The following PHACTR2 variants were observed in gnomAD, a reference collection of about 807,000 sequenced individuals.
PHACTR2 encodes the protein phosphatase and actin regulator 2, also known as chromosome 6 open reading frame 56.
A neutral mutation model predicts 76.0 loss-of-function variants in PHACTR2; 30 were observed. That is an observed-to-expected ratio of 0.39 (90% CI 0.30 to 0.54). The LOEUF is 0.54. Among genes scored for constraint, PHACTR2 ranks in the 20% least tolerant of loss-of-function variants. The probability of loss-of-function intolerance (pLI) is 0.61; values close to 1 mark genes in which losing one functional copy is unlikely to be tolerated. For synonymous variants in PHACTR2, 292 were observed against 292.5 expected (o/e 1.00, Z 0.02); for missense variants, 696 against 781.1 (o/e 0.89, Z 1.30).
intron 12 of PHACTR2, chr6:143,810,430 C>T (rs532144284): frequency 8.4e-6 from 2 of 238,736 alleles, no homozygotes; most frequent in African/African-American, 4.6e-5. Context: ...AGTTTAAGAG[C>T]ATGCCTAGTC....
At position 143,652,335 on chromosome 6, in the gene PHACTR2, C is replaced by T. The variant is rs1776776803; in HGVS notation, c.13+44013C>T. 2.0e-5 allele frequency among the ~76,000 whole-genome samples: 3 copies of T among 152,046 alleles called. No individual in the cohort carries two copies. The highest frequency in any genetic ancestry group is 2.0e-4 in the Admixed American group (3 of 15,260). ...CCCAATAAAATATTTTGAAGTTTTT[C>T]CAAAGAAAAGAAACTCTGCCTGGCT... On this transcript the variant is annotated intron_variant, in intron 1 of 11. Transcript: ENST00000305766. This position sits in a 1 kb window ranked among gnomAD's most constrained non-coding sequence, Gnocchi z 4.5.
At position 143,712,125 on chromosome 6, in the gene PHACTR2, T is replaced by G. The variant is rs1778191336; in HGVS notation, c.156T>G (p.Phe52Leu). 6.3e-7 allele frequency: 1 copy of G among 1,585,034 alleles called. No homozygotes were observed. The highest frequency in any genetic ancestry group is 1.2e-5 in the South Asian group (1 of 85,146). Reference sequence around the variant, plus strand: ...AACTATCCACCATTGGTAAAATCTTTAAGCCTTGGAAATGGAGGAAAAAGA... The same window carrying G: ...AACTATCCACCATTGGTAAAATCTTGAAGCCTTGGAAATGGAGGAAAAAGA... ...KGKLSTIGKI[F>L]KPWKWRKKKT... Residue 52 changes from phenylalanine (F) to leucine (L), a missense_variant, in exon 2 of 13, where the codon TTT becomes TTG. Phe to Leu is a conservative substitution (Grantham distance 22). Transcript: ENST00000440869.
At chr6:143,796,138 T>G (rs902703686) in intron 11 of PHACTR2, among the ~76,000 whole-genome samples, 1 of 152,212 alleles carries the variant, frequency 6.6e-6, no homozygotes, top group Non-Finnish European at 1.5e-5. Flanking sequence ...TAAGAAAGCC[T>G]GAGATTTTTG....
In PHACTR2 at chr6:143,806,143, C is replaced by T. The variant is rs897292244; in HGVS notation, c.1846-914C>T. ...AAAAATAAGCAAAAATTTGAAACCACGAACCATCTGTAATCCTGCCACTAT... is the reference window on the plus strand; with the variant it reads ...AAAAATAAGCAAAAATTTGAAACCATGAACCATCTGTAATCCTGCCACTAT... On this transcript the variant is annotated intron_variant, in intron 11 of 12. Coordinates refer to ENST00000440869, the MANE Select transcript of PHACTR2 (RefSeq NM_001100164.2). This position sits in a 1 kb window ranked among gnomAD's most constrained non-coding sequence, Gnocchi z 5.8. Among the ~76,000 whole-genome samples, 6 of 152,154 alleles carry T rather than the reference C, an allele frequency of 3.9e-5. No individual in the cohort carries two copies. Among genetic ancestry groups the T allele is most frequent in the Non-Finnish European group, 7.4e-5 (5 of 68,014 alleles).
In PHACTR2 at chr6:143,752,270, TA is replaced by T. The variant is rs374354412; in HGVS notation, c.296-1479del. Among the ~76,000 whole-genome samples, 75 of 152,216 alleles carry T rather than the reference TA, an allele frequency of 4.9e-4. 1 individual carries two copies. The South Asian group carries it at 0.015, about 31-fold the overall frequency. ...AAGATAAATTTATATTTGAGTTACCTAAAAACTGAAGATTTTTATACATAAG... is the reference window on the plus strand; with the variant it reads ...AAGATAAATTTATATTTGAGTTACCTAAAACTGAAGATTTTTATACATAAG... On this transcript the variant is annotated intron_variant, in intron 3 of 12. Transcript: ENST00000440869.
At chr6:143,748,278 G>A (rs1779111470) in intron 2 of PHACTR2, among the ~76,000 whole-genome samples, 1 of 152,126 alleles carries the variant, frequency 6.6e-6, no homozygotes, top group African/African-American at 2.4e-5. Flanking sequence ...TGGCCAGGCT[G>A]GTCTCAAACT....
At chr6:143,790,894 G>C (rs2128480207) in intron 11 of PHACTR2, among the ~76,000 whole-genome samples, 2 of 152,220 alleles carry the variant, frequency 1.3e-5, no homozygotes, top group East Asian at 3.9e-4. Context: ...AGCCAGGATG[G>C]TCTCCATCTC....
At chr6:143,779,044 G>A (rs932482522) in intron 9 of PHACTR2, among the ~76,000 whole-genome samples, 3 of 152,052 alleles carry the variant, frequency 2.0e-5, no homozygotes, top group African/African-American at 7.2e-5. Context: ...ATTTATTTCT[G>A]GAAACAGAGG....
Position 143,619,722 on chromosome 6 carries a change from TGGG to T in PHACTR2, c.13+11401_13+11403del, listed in dbSNP as rs1776118849. ...CTGCATGCCTCTGCACTTCACATCC[TGGG>T]TCTTATTTTCTTAGTAAGGGAAATT... On this transcript the variant is annotated intron_variant, in intron 1 of 11. Coordinates refer to the PHACTR2 transcript ENST00000305766. The surrounding 1 kb of genome is among the most constrained non-coding windows in gnomAD (Gnocchi z 4.5). 3.3e-5 allele frequency among the ~76,000 whole-genome samples: 5 copies of T among 152,338 alleles called. 1 individual carries two copies. The South Asian group carries it at 6.2e-4, about 19-fold the overall frequency.
Position 143,641,990 on chromosome 6 carries a change from A to G in PHACTR2, c.13+33668A>G. Among the ~76,000 whole-genome samples the G allele has an allele frequency of 6.6e-6, 1 of 152,220 alleles. No homozygotes were observed. Among genetic ancestry groups the G allele is most frequent in the Non-Finnish European group, 1.5e-5 (1 of 68,036 alleles). ...TGTTTGTCCCACTCATGCATGGCCA[A>G]CAGCTACATAGAGGTGAATTATATA... On this transcript the variant is annotated intron_variant, in intron 1 of 11. Transcript: ENST00000305766. This position sits in a 1 kb window ranked among gnomAD's most constrained non-coding sequence, Gnocchi z 5.8.
rs1775019670 is a variant in PHACTR2 at position 143,547,613 on chromosome 6, A to G, written c.217+10406A>G. Among the ~76,000 whole-genome samples, 1 of 152,220 alleles carries G rather than the reference A, an allele frequency of 6.6e-6. No individual in the cohort carries two copies. The highest frequency in any genetic ancestry group is 1.5e-5 in the Non-Finnish European group (1 of 68,046). On this transcript the variant is annotated intron_variant, in intron 1 of 11. Coordinates refer to the PHACTR2 transcript ENST00000367584. The surrounding 1 kb of genome is among the most constrained non-coding windows in gnomAD (Gnocchi z 4.2). ...ATCAGATATGAATGAGAGGATTACT[A>G]AGTAATAGCAAGGGTTTGAACAAAA...
rs1777336630 is a variant in PHACTR2, at chr6:143,679,610, A to G, written c.46+1401A>G. On this transcript the variant is annotated intron_variant, in intron 1 of 12. Coordinates refer to ENST00000440869, the MANE Select transcript of PHACTR2 (RefSeq NM_001100164.2). The surrounding 1 kb of genome is among the most constrained non-coding windows in gnomAD (Gnocchi z 4.6). ...TACTCCAATACAAGAGTATACAGAA[A>G]GTATTGTCCTGAATTTAGTGATTTT... is the stretch of plus-strand genomic sequence containing the variant. Among the ~76,000 whole-genome samples the G allele has an allele frequency of 6.6e-6, 1 of 152,202 alleles. No homozygotes were observed. Among genetic ancestry groups the G allele is most frequent in the Admixed American group, 6.5e-5 (1 of 15,278 alleles).
rs1775434284 is a variant in PHACTR2, at chr6:143,570,470, G to A, written c.217+33263G>A. On this transcript the variant is annotated intron_variant, in intron 1 of 11. Coordinates refer to the PHACTR2 transcript ENST00000367584. This position sits in a 1 kb window ranked among gnomAD's most constrained non-coding sequence, Gnocchi z 4.6. ...AAGTAAATATTATTGTTTTTGGGGG[G>A]TGACATCGACTGCATTTCAAATACA... Among the ~76,000 whole-genome samples, 2 of 152,206 alleles carry A rather than the reference G, an allele frequency of 1.3e-5. No individual in the cohort carries two copies. The highest frequency in any genetic ancestry group is 6.5e-5 in the Admixed American group (1 of 15,286).
At chr6:143,649,790 G>A (rs536114407) in intron 1 of PHACTR2, among the ~76,000 whole-genome samples, 1 of 152,278 alleles carries the variant, frequency 6.6e-6, no homozygotes, top group East Asian at 1.9e-4. Context: ...CACAAGACAA[G>A]GATGTCCTCT....
chr6:143,754,745 A>G lies in PHACTR2; in HGVS notation c.454+833A>G, dbSNP rs775456721. Among the ~76,000 whole-genome samples, 1 of 152,224 alleles carries G rather than the reference A, an allele frequency of 6.6e-6. No homozygotes were observed. Among genetic ancestry groups the G allele is most frequent in the Non-Finnish European group, 1.5e-5 (1 of 68,046 alleles). On this transcript the variant is annotated intron_variant, in intron 4 of 12. Coordinates refer to ENST00000440869, the MANE Select transcript of PHACTR2 (RefSeq NM_001100164.2). This position sits in a 1 kb window ranked among gnomAD's most constrained non-coding sequence, Gnocchi z 6.2. ...GAAAGGTTTTGTGGGGAGATTCTAGATGCCTCCATGCAGCATAGAAAGGAA... is the reference window on the plus strand; with the variant it reads ...GAAAGGTTTTGTGGGGAGATTCTAGGTGCCTCCATGCAGCATAGAAAGGAA...
In PHACTR2 at chr6:143,581,765, G is replaced by A. The variant is rs946673878; in HGVS notation, c.217+44558G>A. On this transcript the variant is annotated intron_variant, in intron 1 of 11. Transcript: ENST00000367584. This position sits in a 1 kb window ranked among gnomAD's most constrained non-coding sequence, Gnocchi z 4.5. ...AGGATCACCTGAGCCTGGGAAAGTC[G>A]AGGCTGCAGTGAGCCATGATCACGC... 1.3e-5 allele frequency among the ~76,000 whole-genome samples: 2 copies of A among 152,008 alleles called. No homozygotes were observed. The highest frequency in any genetic ancestry group is 2.9e-5 in the Non-Finnish European group (2 of 67,988).
chr6:143,755,394 T>G lies in PHACTR2; in HGVS notation c.454+1482T>G, dbSNP rs987838036. The G allele has an allele frequency of 1.5e-5, 7 of 455,940 alleles. No individual in the cohort carries two copies. Among genetic ancestry groups the G allele is most frequent in the African/African-American group, 1.4e-4 (7 of 50,070 alleles). The allele number at this position is 455,940 out of a possible 1,614,324, so 28.2% of individuals were successfully genotyped here. A position where few individuals can be genotyped will look rare whatever the true frequency, so the allele number is the denominator to read the frequency against. ...TCCTGCATTACGTAACAGTGCCATC[T>G]CTGGTGCCTGGTCCGTGCAGGGTAT... On this transcript the variant is annotated intron_variant, in intron 4 of 12. Transcript: ENST00000440869. This position sits in a 1 kb window ranked among gnomAD's most constrained non-coding sequence, Gnocchi z 5.2.
intron 1 of PHACTR2, among the ~76,000 whole-genome samples, chr6:143,555,774 T>C (rs962066063): frequency 2.0e-5 from 3 of 152,170 alleles, no homozygotes; most frequent in Admixed American, 6.5e-5. Context: ...AATTGTCTTA[T>C]TGTTTTGGTG....
rs929404914 is a variant in PHACTR2 at position 143,672,452 on chromosome 6, C to T, written c.14-39564C>T. On this transcript the variant is annotated intron_variant, in intron 1 of 11. Transcript: ENST00000305766. The surrounding 1 kb of genome is among the most constrained non-coding windows in gnomAD (Gnocchi z 5.8). ...CTCCAGCCTGGGCCACAGAGCAAGACGCTGTCTCAAAAACAAAAAACAAAC... is the reference window on the plus strand; with the variant it reads ...CTCCAGCCTGGGCCACAGAGCAAGATGCTGTCTCAAAAACAAAAAACAAAC... Among the ~76,000 whole-genome samples the T allele has an allele frequency of 1.4e-4, 22 of 151,952 alleles. No individual in the cohort carries two copies. The highest frequency in any genetic ancestry group is 9.8e-4 in the Admixed American group (15 of 15,258).
Sources: allele counts gnomAD v4.1 joint callset (sites outside exome capture counted in the v4.1 genomes callset), GRCh38; gene constraint gnomAD v4.1.1; non-coding constraint Gnocchi (gnomAD v3.1); transcripts MANE v1.5; gene names NCBI Gene and HGNC (gene_info 2026-07-23, HGNC 2026-07-21).